The following TRIP12 variants were observed in gnomAD, a reference collection of about 807,000 sequenced individuals.
The protein encoded by TRIP12 is E3 ubiquitin-protein ligase TRIP12.
A neutral mutation model predicts 244.2 loss-of-function variants in TRIP12; 25 were observed. The ratio of observed to expected loss-of-function variants is 0.10; its 90% CI spans 0.07 to 0.14. The LOEUF (loss-of-function observed/expected upper bound fraction) is 0.14. Among genes scored for constraint, TRIP12 ranks in the 10% least tolerant of loss-of-function variants. The pLI, the probability that TRIP12 is intolerant of heterozygous loss-of-function variation, is 1.00. For missense variants in TRIP12, 1,677 were observed against 2,486.4 expected, an observed-to-expected ratio of 0.67 and a Z score of 6.92; for synonymous variants, 905 against 873.1, an observed-to-expected ratio of 1.04 and a Z score of -0.64.
intron 22 of TRIP12, 47 bp downstream of exon 22, chr2:229,799,236 C>A (rs369691395): frequency 1.3e-6 from 2 of 1,597,318 alleles, no homozygotes; most frequent in Non-Finnish European, 1.7e-6. Context: ...TCTGCACCTG[C>A]TACCACCCTC....
intron 39 of TRIP12, among the ~76,000 whole-genome samples, chr2:229,771,140 G>A (rs577581892): frequency 1.2e-4 from 18 of 152,234 alleles, no homozygotes; most frequent in African/African-American, 4.3e-4. Flanking sequence ...ATGTCTCATC[G>A]AAACGAAGTT....
chr2:229,778,628 C>CA lies in TRIP12; in HGVS notation c.5210-42dup. 6.3e-7 allele frequency: 1 copy of CA among 1,582,128 alleles called. No homozygotes were observed. The highest frequency in any genetic ancestry group is 2.2e-5 in the East Asian group (1 of 44,526). ...TGCAGCAAACTTCAGATGATGTTTC[C>CA]AAAAACAAAACAAAACCTGGTAACT... On this transcript the variant is annotated intron_variant, in intron 35 of 41. Coordinates refer to ENST00000675903, the MANE Select transcript of TRIP12 (RefSeq NM_001348323.3). The surrounding 1 kb of genome is among the most constrained non-coding windows in gnomAD (Gnocchi z 4.1).
At chr2:229,831,383 GC>G (rs1029820961) in intron 6 of TRIP12, among the ~76,000 whole-genome samples, 3 of 152,200 alleles carry the variant, frequency 2.0e-5, no homozygotes, top group Non-Finnish European at 4.4e-5. Flanking sequence ...CTGCTATGAA[GC>G]ATGAAGGAGG....
intron 2 of TRIP12, among the ~76,000 whole-genome samples, chr2:229,873,606 C>G (rs1443530994): frequency 6.6e-6 from 1 of 152,136 alleles, no homozygotes; most frequent in Non-Finnish European, 1.5e-5. Flanking sequence ...ACAGACTTTT[C>G]TCTGAATAGT....
intron 1 of TRIP12, among the ~76,000 whole-genome samples, chr2:229,914,377 T>C (rs1191082016): frequency 6.6e-6 from 1 of 152,104 alleles, no homozygotes; most frequent in Non-Finnish European, 1.5e-5. Flanking sequence ...TACGAAACAC[T>C]GGGGTCTGAG....
Position 229,787,414 on chromosome 2 carries a change from C to T in TRIP12, c.4995+91G>A, listed in dbSNP as rs557643540. The T allele has an allele frequency of 2.9e-6, 4 of 1,376,020 alleles. No individual in the cohort carries two copies. In the African/African-American group the frequency reaches 5.9e-5, roughly 20 times the overall value. 85.2% of individuals were successfully genotyped at this position (1,376,020 alleles called of 1,614,324 possible). A position where few individuals can be genotyped will look rare whatever the true frequency, so the allele number is the denominator to read the frequency against. On this transcript the variant is annotated intron_variant, in intron 33 of 41. Coordinates refer to ENST00000675903, the MANE Select transcript of TRIP12 (RefSeq NM_001348323.3). ...CTGAATATGACCAAGGCCTCCAAGA[C>T]CAACATGCATATTTAGATATACTAC...
At chr2:229,846,669 A>C (rs2057642286) in intron 4 of TRIP12, among the ~76,000 whole-genome samples, 1 of 87,662 alleles carries the variant, frequency 1.1e-5, no homozygotes, top group Non-Finnish European at 2.6e-5. Context: ...TGGTAAAAAT[A>C]AATTTAAAAA....
chr2:229,915,240 G>A (rs998623154), intron 1 of TRIP12, among the ~76,000 whole-genome samples: 5 of 151,720 alleles, frequency 3.3e-5, no homozygotes, highest in Admixed American at 6.6e-5. Context: ...ACAACACAGC[G>A]AAACTCAATC....
At chr2:229,819,029 A>G (rs2049212279) in intron 8 of TRIP12, among the ~76,000 whole-genome samples, 2 of 144,654 alleles carry the variant, frequency 1.4e-5, no homozygotes, top group African/African-American at 5.2e-5. Context: ...AATATTCTGT[A>G]AAAATAAAAA....
intron 34 of TRIP12, among the ~76,000 whole-genome samples, chr2:229,781,778 G>C (rs562274264): frequency 1.3e-5 from 2 of 152,298 alleles, no homozygotes; most frequent in East Asian, 3.9e-4. Flanking sequence ...ATGTACAGCT[G>C]AATTTGAATC....
chr2:229,818,885 T>C (rs1029667914), intron 8 of TRIP12, among the ~76,000 whole-genome samples: 1 of 152,172 alleles, frequency 6.6e-6, no homozygotes, highest in African/African-American at 2.4e-5. Context: ...TGTTAAACAA[T>C]GATGCCCATA....
At chr2:229,894,410 G>C (rs768967824) in intron 1 of TRIP12, 1 of 152,072 alleles carries the variant, frequency 6.6e-6, no homozygotes, top group African/African-American at 2.4e-5. Flanking sequence ...CATGGCCCCT[G>C]TGTAAGGATT....
At chr2:229,797,965 T>A in intron 23 of TRIP12, 134 bp from the exon 24 acceptor site, 1 of 876,002 alleles carries the variant, frequency 1.1e-6, no homozygotes, top group Non-Finnish European at 1.7e-6. Flanking sequence ...CCAGATTCCA[T>A]AACCAAATTA....
At chr2:229,841,700 C>T (rs2056454556) in intron 4 of TRIP12, among the ~76,000 whole-genome samples, 1 of 152,192 alleles carries the variant, frequency 6.6e-6, no homozygotes, top group South Asian at 2.1e-4. Flanking sequence ...TCCAAAGTTA[C>T]CAATCATATT....
Position 229,815,461 on chromosome 2 carries a change from G to A in TRIP12, c.1600-153C>T, listed in dbSNP as rs73099284. 4.5e-3 allele frequency among the ~76,000 whole-genome samples: 681 copies of A among 152,100 alleles called. 6 individuals are homozygous for A. Among genetic ancestry groups the A allele is most frequent in the African/African-American group, 0.016 (656 of 41,486 alleles). ...AACTTTAAGATAAAACCTAGTAGGC[G>A]TTCACAGAAATGATTACACTCAGGA... On this transcript the variant is annotated intron_variant, in intron 9 of 41. Transcript: ENST00000675903.
chr2:229,899,369 G>GA (rs1006313039), intron 1 of TRIP12, among the ~76,000 whole-genome samples: 3 of 151,804 alleles, frequency 2.0e-5, no homozygotes, highest in South Asian at 2.1e-4. Context: ...TCCTCAGGTG[G>GA]AAAAAAAATC....
rs1456453191 is a variant in TRIP12 at position 229,908,280 on chromosome 2, C to A, written c.-50+13600G>T. 2.0e-5 allele frequency among the ~76,000 whole-genome samples: 3 copies of A among 152,240 alleles called. No homozygotes were observed. In the East Asian group the frequency reaches 5.8e-4, roughly 29 times the overall value. The stretch of plus-strand genomic sequence containing the variant: ...ATATTATATACCTTTTAAAGTGATA[C>A]ATCAAAAAGGGAACCAGGAATTTAA... On this transcript the variant is annotated intron_variant, in intron 1 of 41. Transcript: ENST00000675903.
rs1183426123 is a variant in TRIP12, at chr2:229,766,689, G to A, written c.*865C>T. 2 of 152,162 alleles carry A rather than the reference G, an allele frequency of 1.3e-5. No individual in the cohort carries two copies. Among genetic ancestry groups the A allele is most frequent in the African/African-American group, 4.8e-5 (2 of 41,440 alleles). The allele number at this position is 152,162 out of a possible 1,614,324, so 9.4% of individuals were successfully genotyped here. ...ATTAATTTAAAATCCTCTGGCCACA[G>A]AATAATAAATACCGGCCAGCCCAAG... On this transcript the variant is annotated 3_prime_UTR_variant, in exon 42 of 42. Coordinates refer to ENST00000675903, the MANE Select transcript of TRIP12 (RefSeq NM_001348323.3).
At chr2:229,889,018 A>G (rs2066692298) in intron 1 of TRIP12, among the ~76,000 whole-genome samples, 1 of 152,222 alleles carries the variant, frequency 6.6e-6, no homozygotes, top group African/African-American at 2.4e-5. Context: ...TTAAAAAAAT[A>G]AATTTTGAGC....
Sources: allele counts gnomAD v4.1 joint callset (sites outside exome capture counted in the v4.1 genomes callset), GRCh38; gene constraint gnomAD v4.1.1; non-coding constraint Gnocchi (gnomAD v3.1); transcripts MANE v1.5; gene names NCBI Gene and HGNC (gene_info 2026-07-23, HGNC 2026-07-21).